Variants in AXDND1 observed in about 807,000 individuals in gnomAD.
The protein encoded by AXDND1 is axonemal dynein light chain domain containing 1, also known as axonemal dynein light chain domain-containing protein 1.
Under a neutral mutation model 137.5 loss-of-function variants are expected in AXDND1, and 110 were observed. The observed-to-expected ratio is 0.80, with a 90% CI of 0.69 to 0.94. AXDND1 has a LOEUF of 0.94. Ranked by LOEUF, AXDND1 falls within the 40% of genes least tolerant of loss-of-function variation. The pLI, the probability that AXDND1 is intolerant of heterozygous loss-of-function variation, is 0.00. For missense variants in AXDND1, 1,191 were observed against 1,169.8 expected, an observed-to-expected ratio of 1.02 and a Z score of -0.26; for synonymous variants, 414 against 399.7, an observed-to-expected ratio of 1.04 and a Z score of -0.43.
At chr1:179,371,331 C>T (rs1479576065) in intron 4 of AXDND1, among the ~76,000 whole-genome samples, 10 of 151,982 alleles carry the variant, frequency 6.6e-5, no homozygotes, top group East Asian at 1.9e-4. Context: ...GGGAGGCTAA[C>T]GCAGGAGAAT....
At chr1:179,414,419 A>G (rs1480571430) in intron 12 of AXDND1, among the ~76,000 whole-genome samples, 1 of 151,168 alleles carries the variant, frequency 6.6e-6, no homozygotes, top group Non-Finnish European at 1.5e-5. Context: ...ATCTTTATTT[A>G]TTTATTTATT....
chr1:179,461,931 TAAG>T (rs1443175079), intron 16 of AXDND1, among the ~76,000 whole-genome samples: 2 of 152,210 alleles, frequency 1.3e-5, no homozygotes, highest in East Asian at 3.8e-4. Context: ...CTGATCAGCT[TAAG>T]GAGATTTTGG....
In AXDND1 at chr1:179,469,172, C is replaced by T. The variant is rs558517529; in HGVS notation, c.1997+531C>T. ...CTCGAACTCCTGACCTCAGGTGATACGCCCACCTTGGCCTTCCAAAGTGCT... is the reference window on the plus strand; with the variant it reads ...CTCGAACTCCTGACCTCAGGTGATATGCCCACCTTGGCCTTCCAAAGTGCT... On this transcript the variant is annotated intron_variant, in intron 17 of 25. Coordinates refer to ENST00000367618, the MANE Select transcript of AXDND1 (RefSeq NM_144696.6). 3.6e-4 allele frequency among the ~76,000 whole-genome samples: 55 copies of T among 151,742 alleles called. No homozygotes were observed. In the South Asian group the frequency reaches 4.4e-3, roughly 12 times the overall value.
intron 2 of AXDND1, 95 bp downstream of exon 2, chr1:179,366,701 A>G (rs2125028335): frequency 9.9e-7 from 1 of 1,006,064 alleles, no homozygotes. Flanking sequence ...TATTCAGAAT[A>G]CCTTGATTGG....
At chr1:179,401,797 C>T (rs1242457426) in intron 11 of AXDND1, among the ~76,000 whole-genome samples, 1 of 152,002 alleles carries the variant, frequency 6.6e-6, no homozygotes, top group East Asian at 1.9e-4. Context: ...GTAAGAGGGG[C>T]CTTTCACCTT....
chr1:179,468,701 C>T, intron 17 of AXDND1, 60 bp downstream of exon 17: 2 of 1,307,656 alleles, frequency 1.5e-6, no homozygotes, highest in Non-Finnish European at 2.1e-6. Flanking sequence ...TGTTGCAATA[C>T]ACTTCATATA....
intron 15 of AXDND1, 49 bp downstream of exon 15, chr1:179,432,391 C>A: frequency 6.7e-7 from 1 of 1,492,266 alleles, no homozygotes; most frequent in Non-Finnish European, 9.0e-7. Context: ...TGATTGTAAA[C>A]TTGGCATTCC....
At chr1:179,431,303 G>A (rs867138143) in intron 14 of AXDND1, among the ~76,000 whole-genome samples, 3 of 151,838 alleles carry the variant, frequency 2.0e-5, no homozygotes, top group Non-Finnish European at 4.4e-5. Flanking sequence ...CACCACACCC[G>A]GCTAATTTTT....
chr1:179,542,600 T>C (rs553406960), intron 25 of AXDND1, among the ~76,000 whole-genome samples: 70 of 152,358 alleles, frequency 4.6e-4, no homozygotes, highest in African/African-American at 1.6e-3. Flanking sequence ...ATTTGAAAAC[T>C]GGACCTTTTC....
chr1:179,367,927 C>T (rs1667625170), intron 2 of AXDND1, among the ~76,000 whole-genome samples: 1 of 151,970 alleles, frequency 6.6e-6, no homozygotes, highest in Admixed American at 6.6e-5. Context: ...AAAGCTTTTC[C>T]CATCTCACCT....
chr1:179,385,668 G>A (rs1348906012), intron 9 of AXDND1, among the ~76,000 whole-genome samples: 1 of 152,178 alleles, frequency 6.6e-6, no homozygotes, highest in Non-Finnish European at 1.5e-5. Context: ...GCCATACAGG[G>A]CCATTGCGGG....
At chr1:179,501,945 G>T (rs1417718611) in intron 20 of AXDND1, among the ~76,000 whole-genome samples, 1 of 151,896 alleles carries the variant, frequency 6.6e-6, no homozygotes, top group South Asian at 2.1e-4. Context: ...AAAGGGAAAA[G>T]GTTCATAATT....
chr1:179,493,032 C>A, intron 20 of AXDND1, 81 bp downstream of exon 20: 1 of 897,698 alleles, frequency 1.1e-6, no homozygotes, highest in Non-Finnish European at 1.7e-6. Flanking sequence ...TGATGTACAA[C>A]AAGCTCACAT....
intron 12 of AXDND1, 91 bp from the exon 13 acceptor site, chr1:179,429,427 C>T (rs1326087130): frequency 8.6e-6 from 5 of 583,858 alleles, no homozygotes; most frequent in East Asian, 3.3e-5. Context: ...GTTAATGATT[C>T]CATGAAAAAT....
chr1:179,483,528 C>G (rs1207772187), intron 18 of AXDND1, among the ~76,000 whole-genome samples: 1 of 152,166 alleles, frequency 6.6e-6, no homozygotes, highest in Non-Finnish European at 1.5e-5. Flanking sequence ...AAAAGGGTAA[C>G]AGAGTGCTTG....
intron 15 of AXDND1, among the ~76,000 whole-genome samples, chr1:179,440,515 G>C (rs967512887): frequency 1.3e-5 from 2 of 152,204 alleles, no homozygotes; most frequent in Non-Finnish European, 2.9e-5. Context: ...TGGCTCCAGG[G>C]AGACATGCTG....
intron 15 of AXDND1, among the ~76,000 whole-genome samples, chr1:179,434,425 CTGATGAACAT>C (rs1000318429): frequency 6.6e-6 from 1 of 152,132 alleles, no homozygotes; most frequent in Non-Finnish European, 1.5e-5. Flanking sequence ...GCCAGTATCC[CTGATGAACAT>C]TGATGCGAAA....
chr1:179,501,132 ACAAT>A (rs1667957681), intron 20 of AXDND1, among the ~76,000 whole-genome samples: 3 of 152,352 alleles, frequency 2.0e-5, no homozygotes, highest in African/African-American at 7.2e-5. Context: ...TCTAGGTGTC[ACAAT>A]CAAGTTTCCA....
chr1:179,421,963 C>T (rs1320891130), intron 12 of AXDND1, among the ~76,000 whole-genome samples: 2 of 151,194 alleles, frequency 1.3e-5, no homozygotes, highest in Non-Finnish European at 2.9e-5. Flanking sequence ...TCTCTTGAAT[C>T]CGGGAGGCAG....
Sources: allele counts gnomAD v4.1 joint callset (sites outside exome capture counted in the v4.1 genomes callset), GRCh38; gene constraint gnomAD v4.1.1; transcripts MANE v1.5; gene names NCBI Gene and HGNC (gene_info 2026-07-23, HGNC 2026-07-21).